The following MGAT4C variants were observed in gnomAD, a reference collection of about 807,000 sequenced individuals.
The protein encoded by MGAT4C is MGAT4 family member C.
MGAT4C carries 19 observed loss-of-function variants against 40.1 expected under a neutral mutation model. That is an observed-to-expected ratio of 0.47 (90% CI 0.33 to 0.70). MGAT4C has a LOEUF of 0.70. Ranked by LOEUF, MGAT4C falls within the 30% of genes least tolerant of loss-of-function variation. MGAT4C has a pLI of 0.02. For missense variants in MGAT4C, 491 were observed against 563.2 expected, an observed-to-expected ratio of 0.87 and a Z score of 1.30; for synonymous variants, 181 against 187.1, an observed-to-expected ratio of 0.97 and a Z score of 0.27.
At chr12:86,220,802 A>T (rs1330191972) in intron 1 of MGAT4C, among the ~76,000 whole-genome samples, 1 of 152,200 alleles carries the variant, frequency 6.6e-6, no homozygotes, top group Non-Finnish European at 1.5e-5. Context: ...ACCTCTTAAC[A>T]TGCAGTATAG....
chr12:86,486,862 A>C (rs1958028724), intron 2 of MGAT4C, among the ~76,000 whole-genome samples: 1 of 152,206 alleles, frequency 6.6e-6, no homozygotes, highest in African/African-American at 2.4e-5. Flanking sequence ...AGTTAAACCC[A>C]GTGAGTAAAC....
intron 1 of MGAT4C, among the ~76,000 whole-genome samples, chr12:86,829,897 A>G (rs1461555561): frequency 6.7e-6 from 1 of 150,164 alleles, no homozygotes; most frequent in African/African-American, 2.4e-5. Flanking sequence ...ATGAAGGGAA[A>G]TTACAAGGCA....
At chr12:86,251,466 C>T (rs968383910) in intron 1 of MGAT4C, among the ~76,000 whole-genome samples, 1 of 151,908 alleles carries the variant, frequency 6.6e-6, no homozygotes, top group Non-Finnish European at 1.5e-5. Flanking sequence ...TGCACGCAAA[C>T]AAAAAAGAAA....
intron 2 of MGAT4C, among the ~76,000 whole-genome samples, chr12:86,589,953 CAATACAA>C (rs1440260841): frequency 2.0e-5 from 3 of 151,828 alleles, no homozygotes; most frequent in African/African-American, 7.3e-5. Flanking sequence ...CAAATTAAAA[CAATACAA>C]AATACAAAAT....
At chr12:86,191,124 C>A (rs1889386476) in intron 1 of MGAT4C, among the ~76,000 whole-genome samples, 1 of 140,564 alleles carries the variant, frequency 7.1e-6, no homozygotes, top group Admixed American at 6.8e-5. Flanking sequence ...CACACACACA[C>A]ACACACACAC....
intron 2 of MGAT4C, among the ~76,000 whole-genome samples, chr12:86,538,349 T>G (rs924769681): frequency 2.1e-4 from 32 of 152,046 alleles, no homozygotes; most frequent in African/African-American, 7.5e-4. Flanking sequence ...AAGGAAAGAA[T>G]AGCTTCATGA....
chr12:86,766,557 GA>G (rs1284947875), intron 1 of MGAT4C, among the ~76,000 whole-genome samples: 13 of 151,542 alleles, frequency 8.6e-5, no homozygotes, highest in African/African-American at 2.9e-4. Flanking sequence ...CAAATAAACA[GA>G]ATATACATTT....
At position 86,378,340 on chromosome 12, in the gene MGAT4C, T is replaced by A. The variant is rs190328262; in HGVS notation, c.-119-44213A>T. Among the ~76,000 whole-genome samples the A allele has an allele frequency of 5.9e-5, 9 of 152,308 alleles. 1 individual carries two copies. The highest frequency in any genetic ancestry group is 2.2e-4 in the African/African-American group (9 of 41,568). ...TGAATGACCACAGTGTGTTGGTATT[T>A]ACATGGGACTTGAATTTGGAGTCAA... On this transcript the variant is annotated intron_variant, in intron 3 of 7. Transcript: ENST00000548651.
chr12:86,060,065 G>T (rs990776368), intron 1 of MGAT4C, among the ~76,000 whole-genome samples: 1 of 152,110 alleles, frequency 6.6e-6, no homozygotes. Context: ...GAATAATTTA[G>T]TTAGGTATAA....
At chr12:86,181,127 C>T (rs145099207) in intron 1 of MGAT4C, among the ~76,000 whole-genome samples, 2 of 152,190 alleles carry the variant, frequency 1.3e-5, no homozygotes, top group African/African-American at 2.4e-5. Context: ...GGTGTTTCCA[C>T]GTTTTCTTCT....
At chr12:86,497,330 C>A (rs925459046) in intron 2 of MGAT4C, among the ~76,000 whole-genome samples, 1 of 151,794 alleles carries the variant, frequency 6.6e-6, no homozygotes, top group Non-Finnish European at 1.5e-5. Flanking sequence ...GTTAAAGCAG[C>A]GTTTTTGATG....
intron 2 of MGAT4C, among the ~76,000 whole-genome samples, chr12:86,527,654 G>T (rs1044939820): frequency 6.6e-6 from 1 of 151,982 alleles, no homozygotes; most frequent in African/African-American, 2.4e-5. Context: ...TTTTTGGTGT[G>T]TCCTCTTTTA....
chr12:86,420,403 T>C (rs1359169239), intron 3 of MGAT4C, among the ~76,000 whole-genome samples: 2 of 151,956 alleles, frequency 1.3e-5, no homozygotes, highest in African/African-American at 4.8e-5. Flanking sequence ...TAAAAAAAAA[T>C]TAAAACTGCA....
rs28891712 is a variant in MGAT4C at position 86,803,902 on chromosome 12, C to T, written c.-262+34764G>A. Among the ~76,000 whole-genome samples the T allele has an allele frequency of 4.5e-3, 666 of 148,790 alleles. 6 individuals are homozygous for T. Among genetic ancestry groups the T allele is most frequent in the African/African-American group, 0.016 (638 of 40,396 alleles). On this transcript the variant is annotated intron_variant, in intron 1 of 7. Coordinates refer to the MGAT4C transcript ENST00000548651. ...AACTAGAAATACCATTTGACCCAGC[C>T]ATCCCATTACTGGGTATATACCCAA...
At chr12:86,537,898 C>A (rs947503882) in intron 2 of MGAT4C, among the ~76,000 whole-genome samples, 14 of 151,984 alleles carry the variant, frequency 9.2e-5, no homozygotes, top group Admixed American at 7.9e-4. Context: ...ACCAGGCTGG[C>A]CAACATGGCA....
At chr12:86,053,411 A>G (rs1407247950) in intron 1 of MGAT4C, among the ~76,000 whole-genome samples, 1 of 151,874 alleles carries the variant, frequency 6.6e-6, no homozygotes. Flanking sequence ...GGAGCTGAGT[A>G]TCCCCTGGGC....
intron 3 of MGAT4C, among the ~76,000 whole-genome samples, chr12:86,422,952 T>C (rs1215373500): frequency 1.3e-5 from 2 of 152,278 alleles, no homozygotes; most frequent in African/African-American, 4.8e-5. Flanking sequence ...CCATCACCTA[T>C]TCATTTTGTT....
chr12:86,313,937 G>A (rs1410779759), intron 4 of MGAT4C, among the ~76,000 whole-genome samples: 1 of 152,152 alleles, frequency 6.6e-6, no homozygotes, highest in Non-Finnish European at 1.5e-5. Context: ...CTAAGTAGTA[G>A]TTGGAATTAA....
intron 1 of MGAT4C, among the ~76,000 whole-genome samples, chr12:86,744,899 T>C (rs1469498527): frequency 6.6e-6 from 1 of 151,564 alleles, no homozygotes; most frequent in Non-Finnish European, 1.5e-5. Flanking sequence ...AATTGAAACA[T>C]AATAAGCTTA....
Sources: gnomAD v4.1 joint callset for allele counts (sites outside exome capture counted in the v4.1 genomes callset) on GRCh38, gnomAD v4.1.1 for gene constraint, MANE v1.5 for transcripts, NCBI Gene and HGNC (gene_info 2026-07-23, HGNC 2026-07-21) for gene names.